The following MAPK10 variants were observed in gnomAD, a reference collection of about 807,000 sequenced individuals.
MAPK10 encodes JNK3 alpha protein kinase.
A neutral mutation model predicts 59.3 loss-of-function variants in MAPK10; 25 were observed. The observed-to-expected ratio is 0.42, with a 90% CI of 0.31 to 0.59. The LOEUF is 0.59. Among genes scored for constraint, MAPK10 ranks in the 20% least tolerant of loss-of-function variants. The probability of loss-of-function intolerance (pLI) is 0.15; values close to 1 mark genes in which losing one functional copy is unlikely to be tolerated. For missense variants in MAPK10, 351 were observed against 568.9 expected (o/e 0.62, Z 3.90); for synonymous variants, 190 against 200.5 (o/e 0.95, Z 0.44).
chr4:86,136,367 T>TG (rs2062092583), intron 4 of MAPK10, among the ~76,000 whole-genome samples: 1 of 150,662 alleles, frequency 6.6e-6, no homozygotes, highest in Admixed American at 6.6e-5. Flanking sequence ...CAGAAGAGAG[T>TG]GGGGGCCAAT....
At chr4:86,207,316 T>C (rs1166407144) in intron 2 of MAPK10, among the ~76,000 whole-genome samples, 1 of 151,798 alleles carries the variant, frequency 6.6e-6, no homozygotes, top group Non-Finnish European at 1.5e-5. Flanking sequence ...CCTTTCCCCA[T>C]TGCTTGTTTT....
intron 2 of MAPK10, among the ~76,000 whole-genome samples, chr4:86,270,761 A>G (rs1014737376): frequency 2.0e-5 from 3 of 152,102 alleles, no homozygotes; most frequent in African/African-American, 7.2e-5. Flanking sequence ...ATTTCATAAA[A>G]TGGAATCATG....
At position 86,479,739 on chromosome 4, in the gene MAPK10, A is replaced by G. The variant is rs142235523; in HGVS notation, c.-263+114171T>C. Among the ~76,000 whole-genome samples the G allele has an allele frequency of 6.0e-3, 905 of 152,038 alleles. 13 individuals carry two copies. Among genetic ancestry groups the G allele is most frequent in the African/African-American group, 0.02 (845 of 41,438 alleles). ...TAGTTAGATGTCCTAGGTCCTCCCA[A>G]TTCTTACTCCTTTAATACCTGTTTT... On this transcript the variant is annotated intron_variant, in intron 1 of 4. Transcript: ENST00000502302.
At chr4:86,262,322 G>C (rs1285968836) in intron 2 of MAPK10, among the ~76,000 whole-genome samples, 1 of 151,962 alleles carries the variant, frequency 6.6e-6, no homozygotes, top group African/African-American at 2.4e-5. Flanking sequence ...TGGGTCCCTC[G>C]ACCTCGGATT....
intron 2 of MAPK10, among the ~76,000 whole-genome samples, chr4:86,211,139 GAAGA>G (rs889650490): frequency 1.8e-4 from 27 of 151,960 alleles, no homozygotes; most frequent in Non-Finnish European, 3.5e-4. Flanking sequence ...TTCAAAAGAA[GAAGA>G]GAGAGAGAGG....
chr4:86,456,214 CACAA>C (rs1332294643), upstream of MAPK10, among the ~76,000 whole-genome samples: 4 of 152,120 alleles, frequency 2.6e-5, no homozygotes, highest in South Asian at 4.2e-4. Flanking sequence ...TCTGAAAAAG[CACAA>C]ACAGACAATC....
intron 2 of MAPK10, among the ~76,000 whole-genome samples, chr4:86,226,102 A>G (rs2090562488): frequency 6.6e-6 from 1 of 152,230 alleles, no homozygotes; most frequent in Non-Finnish European, 1.5e-5. Flanking sequence ...TTTCATTTTT[A>G]AAAAGTTAGA....
chr4:86,405,281 A>G (rs963887407), intron 1 of MAPK10, among the ~76,000 whole-genome samples: 3 of 152,194 alleles, frequency 2.0e-5, no homozygotes, highest in African/African-American at 7.2e-5. Context: ...ATAGCAACAG[A>G]ATGTGTTGTT....
At position 86,556,855 on chromosome 4, in the gene MAPK10, G is replaced by A. The variant is rs193028227; in HGVS notation, c.-263+37055C>T. Among the ~76,000 whole-genome samples, 500 of 152,102 alleles carry A rather than the reference G, an allele frequency of 3.3e-3. 7 individuals carry two copies. Among genetic ancestry groups the A allele is most frequent in the African/African-American group, 0.012 (485 of 41,510 alleles). ...GTGAAAAATGAGAACCATTTTTATAGCACTGGCAAGAAAACAGGTTCTAAG... is the reference window on the plus strand; with the variant it reads ...GTGAAAAATGAGAACCATTTTTATAACACTGGCAAGAAAACAGGTTCTAAG... On this transcript the variant is annotated intron_variant, in intron 1 of 4. Coordinates refer to the MAPK10 transcript ENST00000502302.
chr4:86,430,253 A>ATAAACATAAAAC (rs1747859527), intron 1 of MAPK10, among the ~76,000 whole-genome samples: 1 of 152,236 alleles, frequency 6.6e-6, no homozygotes, highest in Admixed American at 6.5e-5. Context: ...GAGAAGGAAG[A>ATAAACATAAAAC]ATAAAACAAA....
intron 1 of MAPK10, among the ~76,000 whole-genome samples, chr4:86,430,758 G>A (rs1747935882): frequency 6.6e-6 from 1 of 152,136 alleles, no homozygotes; most frequent in South Asian, 2.1e-4. Context: ...TGGCACATTA[G>A]AGGAAAAGGG....
intron 2 of MAPK10, among the ~76,000 whole-genome samples, chr4:86,342,942 T>C (rs565884587): frequency 2.0e-5 from 3 of 152,280 alleles, no homozygotes; most frequent in African/African-American, 7.2e-5. Context: ...GGAGAGGTTC[T>C]TCATCATCTA....
At chr4:86,206,743 T>A (rs1165245806) in intron 2 of MAPK10, among the ~76,000 whole-genome samples, 6 of 152,188 alleles carry the variant, frequency 3.9e-5, no homozygotes, top group Admixed American at 6.5e-5. Flanking sequence ...CCATTCTAAC[T>A]GGTGTGAGAT....
chr4:86,048,399 T>C (rs2042912754), intron 11 of MAPK10, among the ~76,000 whole-genome samples: 1 of 152,086 alleles, frequency 6.6e-6, no homozygotes, highest in Admixed American at 6.6e-5. Context: ...TTTCTTTTCA[T>C]AGGTAAAAGA....
chr4:86,553,891 ATT>A (rs55953008), intron 1 of MAPK10, among the ~76,000 whole-genome samples: 2 of 146,638 alleles, frequency 1.4e-5, no homozygotes, highest in Admixed American at 6.8e-5. Flanking sequence ...CCACTTCTTA[ATT>A]TTTTTTTTTT....
intron 13 of MAPK10, among the ~76,000 whole-genome samples, chr4:86,018,355 C>CAA (rs34741254): frequency 0.046 from 6,480 of 140,880 alleles, 164 homozygotes; most frequent in Middle Eastern, 0.08. Context: ...ATGAAAGTTA[C>CAA]AAAAAAAAAA....
chr4:86,416,680 T>C (rs1745899833), intron 1 of MAPK10, among the ~76,000 whole-genome samples: 1 of 152,190 alleles, frequency 6.6e-6, no homozygotes, highest in Non-Finnish European at 1.5e-5. Context: ...CTCATTTGAA[T>C]TGCATCCTTG....
chr4:86,081,114 T>TC (rs1233477187), intron 9 of MAPK10: 1 of 151,858 alleles, frequency 6.6e-6, no homozygotes, highest in East Asian at 1.9e-4. Context: ...GGACTTAACA[T>TC]CCCCCTGCAA....
intron 4 of MAPK10, among the ~76,000 whole-genome samples, chr4:86,155,528 C>A (rs746740932): frequency 1.3e-5 from 2 of 151,738 alleles, no homozygotes; most frequent in Non-Finnish European, 2.9e-5. Flanking sequence ...ATTCCAAGAC[C>A]CCCAGTGGAT....
Sources: allele counts gnomAD v4.1 joint callset (sites outside exome capture counted in the v4.1 genomes callset), GRCh38; gene constraint gnomAD v4.1.1; transcripts MANE v1.5; gene names NCBI Gene and HGNC (gene_info 2026-07-23, HGNC 2026-07-21).